Variants in NFAT5 observed in about 807,000 individuals in gnomAD.
NFAT5 encodes the protein nuclear factor of activated T cells 5.
In NFAT5, 31 loss-of-function variants were observed where a neutral mutation model predicts 166.5. That is an observed-to-expected ratio of 0.19 (90% CI 0.14 to 0.25). The LOEUF (loss-of-function observed/expected upper bound fraction) is 0.25, where lower values mean the gene tolerates loss of function less well. NFAT5 is among the 10% of genes least tolerant of loss of function. NFAT5 has a pLI of 1.00. For missense variants in NFAT5, 1,449 were observed against 1,821.8 expected (o/e 0.80, Z 3.72); for synonymous variants, 612 against 639.7 (o/e 0.96, Z 0.65).
intron 7 of NFAT5, among the ~76,000 whole-genome samples, chr16:69,666,830 C>T (rs2036402278): frequency 6.6e-6 from 1 of 151,778 alleles, no homozygotes; most frequent in South Asian, 2.1e-4. Context: ...GGGTATATAC[C>T]CAAAGGACTA....
intron 2 of NFAT5, among the ~76,000 whole-genome samples, chr16:69,580,157 T>TAATATGTAATGTAATTACATATTA (rs1363238317): frequency 6.6e-6 from 1 of 152,066 alleles, no homozygotes; most frequent in Non-Finnish European, 1.5e-5. Context: ...ATATGTATTT[T>TAATATGTAATGTAATTACATATTA]AATATGTAAT....
chr16:69,597,502 G>GCT lies in NFAT5; in HGVS notation c.128-28900_128-28899dup, dbSNP rs2151535105. On this transcript the variant is annotated intron_variant, in intron 2 of 14. Transcript: ENST00000349945. ...TCAGTTTTGGCTATCAGATTCTTTT[G>GCT]CTATCATTCCTAGCATGATTTCTTT... 2.0e-5 allele frequency among the ~76,000 whole-genome samples: 3 copies of GCT among 152,052 alleles called. No homozygotes were observed. The South Asian group carries it at 6.2e-4, about 32-fold the overall frequency.
chr16:69,635,783 A>G (rs2034940193), intron 3 of NFAT5, among the ~76,000 whole-genome samples: 1 of 152,090 alleles, frequency 6.6e-6, no homozygotes, highest in African/African-American at 2.4e-5. Context: ...TTCACAACAC[A>G]TGGGAATTCT....
At chr16:69,633,114 A>G (rs1324818222) in intron 3 of NFAT5, among the ~76,000 whole-genome samples, 3 of 152,208 alleles carry the variant, frequency 2.0e-5, no homozygotes, top group Non-Finnish European at 1.5e-5. Context: ...ACAAATTGAC[A>G]TTGCCAAAAA....
chr16:69,646,480 C>G (rs2035444739), intron 3 of NFAT5: 1 of 949,702 alleles, frequency 1.1e-6, no homozygotes, highest in Non-Finnish European at 1.4e-6. Flanking sequence ...TAATCAGCAG[C>G]TCTTTTCTCA....
At chr16:69,652,979 C>G (rs1186235811) in intron 4 of NFAT5, among the ~76,000 whole-genome samples, 1 of 152,158 alleles carries the variant, frequency 6.6e-6, no homozygotes, top group Non-Finnish European at 1.5e-5. Flanking sequence ...TCCTACCACT[C>G]ACATACGTTC....
At chr16:69,689,119 T>A (rs1461248153) in intron 11 of NFAT5, among the ~76,000 whole-genome samples, 3 of 151,960 alleles carry the variant, frequency 2.0e-5, no homozygotes, top group Non-Finnish European at 4.4e-5. Context: ...TACAAAAAAA[T>A]TTTAAAAATT....
rs991963611 is a variant in NFAT5, at chr16:69,699,900, A to G, written c.*3549A>G. 5.9e-5 allele frequency: 9 copies of G among 151,612 alleles called. No individual in the cohort carries two copies. Among genetic ancestry groups the G allele is most frequent in the African/African-American group, 2.2e-4 (9 of 41,232 alleles). The allele number at this position is 151,612 out of a possible 1,614,324, so 9.4% of individuals were successfully genotyped here. On this transcript the variant is annotated 3_prime_UTR_variant, in exon 15 of 15. Coordinates refer to ENST00000349945, the MANE Select transcript of NFAT5 (RefSeq NM_138713.4). ...TTTCCTTATTGTCATTCCATTATAT[A>G]TCCACACCAACATGGGTGACGATAA... is the stretch of plus-strand genomic sequence containing the variant.
chr16:69,623,490 G>A, intron 2 of NFAT5, among the ~76,000 whole-genome samples: 1 of 151,730 alleles, frequency 6.6e-6, no homozygotes, highest in Non-Finnish European at 1.5e-5. Context: ...ACCACACCCA[G>A]CTAATTATTA....
At chr16:69,694,331 T>C in intron 13 of NFAT5, 92 bp downstream of exon 13, 3 of 934,300 alleles carry the variant, frequency 3.2e-6, no homozygotes, top group Non-Finnish European at 4.7e-6. Context: ...TCACTGCACC[T>C]GCACCCTCTG....
At chr16:69,671,724 G>A (rs2036628611) in intron 9 of NFAT5, among the ~76,000 whole-genome samples, 1 of 152,174 alleles carries the variant, frequency 6.6e-6, no homozygotes, top group Non-Finnish European at 1.5e-5. Flanking sequence ...TAAAGGGAGA[G>A]ATGCATAACA....
chr16:69,587,668 C>A (rs573936667), intron 2 of NFAT5, among the ~76,000 whole-genome samples: 1 of 152,108 alleles, frequency 6.6e-6, no homozygotes, highest in Non-Finnish European at 1.5e-5. Context: ...GGATTATAGG[C>A]ATGAGCCACT....
At chr16:69,626,655 AT>A (rs2034473666) in intron 3 of NFAT5, 127 bp downstream of exon 3, 2 of 713,592 alleles carry the variant, frequency 2.8e-6, no homozygotes, top group Non-Finnish European at 4.0e-6. Context: ...AGGCATTAAA[AT>A]ATGTACTTTT....
chr16:69,692,712 A>C lies in NFAT5; in HGVS notation c.2887A>C (p.Asn963His). The change falls in exon 13 of 15, where the codon AAT becomes CAT. Residue 963 changes from asparagine (N) to histidine (H), a missense_variant. Physicochemically the swap from Asn to His is moderately conservative, Grantham distance 68. Transcript: ENST00000349945. Reference protein sequence around the residue: ...TSHMMSALSTNEDMQMQCELF... With the variant: ...TSHMMSALSTHEDMQMQCELF... ...TCACATGATGAGTGCATTGTCTACC[A>C]ATGAGGATATGCAAATGCAGTGTGA... The C allele has an allele frequency of 6.2e-7, 1 of 1,614,226 alleles. No individual in the cohort carries two copies. The highest frequency in any genetic ancestry group is 8.5e-7 in the Non-Finnish European group (1 of 1,180,038).
At chr16:69,671,774 C>T (rs1024899806) in intron 9 of NFAT5, among the ~76,000 whole-genome samples, 1 of 152,194 alleles carries the variant, frequency 6.6e-6, no homozygotes, top group African/African-American at 2.4e-5. Flanking sequence ...CTTCTGTCAT[C>T]CTCAGGAAGA....
rs1180074844 is a variant in NFAT5, at chr16:69,596,340, C to G, written c.127+27792C>G. Among the ~76,000 whole-genome samples, 8 of 152,188 alleles carry G rather than the reference C, an allele frequency of 5.3e-5. No individual in the cohort carries two copies. The South Asian group carries it at 1.5e-3, about 28-fold the overall frequency. Reference sequence around the variant, plus strand: ...TTGACATCTGAGAGGTATATATTCTCATAGATAATAAAACCCAAACGTCCC... The same window carrying G: ...TTGACATCTGAGAGGTATATATTCTGATAGATAATAAAACCCAAACGTCCC... On this transcript the variant is annotated intron_variant, in intron 2 of 14. Coordinates refer to ENST00000349945, the MANE Select transcript of NFAT5 (RefSeq NM_138713.4).
chr16:69,606,764 GA>G (rs2033433782), intron 2 of NFAT5, among the ~76,000 whole-genome samples: 1 of 152,172 alleles, frequency 6.6e-6, no homozygotes, highest in African/African-American at 2.4e-5. Flanking sequence ...TGAGGCATGA[GA>G]ATTGCTTGAA....
At chr16:69,626,281 G>C (rs563672128) in intron 2 of NFAT5, 122 bp from the exon 3 acceptor site, 99 of 841,810 alleles carry the variant, frequency 1.2e-4, no homozygotes, top group Non-Finnish European at 1.6e-4. Flanking sequence ...AATTTTGTGG[G>C]ATTGTTTGTG....
intron 2 of NFAT5, among the ~76,000 whole-genome samples, chr16:69,578,012 A>G (rs535421798): frequency 1.3e-5 from 2 of 151,748 alleles, no homozygotes; most frequent in African/African-American, 2.4e-5. Flanking sequence ...TTTTTTTTTT[A>G]CCTGTACTGA....
Sources: gnomAD v4.1 joint callset for allele counts (sites outside exome capture counted in the v4.1 genomes callset) on GRCh38, gnomAD v4.1.1 for gene constraint, MANE v1.5 for transcripts, NCBI Gene and HGNC (gene_info 2026-07-23, HGNC 2026-07-21) for gene names.